Variants in FAM169A observed in about 807,000 individuals in gnomAD.
FAM169A encodes soluble lamin-associated protein of 75 kDa.
Under a neutral mutation model 75.7 loss-of-function variants are expected in FAM169A, and 24 were observed. That is an observed-to-expected ratio of 0.32 (90% CI 0.23 to 0.45). FAM169A has a LOEUF of 0.45. Among genes scored for constraint, FAM169A ranks in the 20% least tolerant of loss-of-function variants. FAM169A has a pLI of 1.00. For synonymous variants in FAM169A, 271 were observed against 271.0 expected (o/e 1.00, Z 0.00); for missense variants, 673 against 784.0 (o/e 0.86, Z 1.69).
intron 4 of FAM169A, among the ~76,000 whole-genome samples, chr5:74,836,059 T>A (rs745539269): frequency 6.6e-6 from 1 of 152,178 alleles, no homozygotes; most frequent in Non-Finnish European, 1.5e-5. Flanking sequence ...TTGCTCCAGA[T>A]CCATAACATC....
intron 1 of FAM169A, among the ~76,000 whole-genome samples, chr5:74,853,307 A>G (rs1749537719): frequency 6.6e-6 from 1 of 152,202 alleles, no homozygotes; most frequent in Admixed American, 6.5e-5. Context: ...CCATTTACTG[A>G]TTGCTTATCT....
chr5:74,800,263 T>TG (rs1746501711), intron 10 of FAM169A, among the ~76,000 whole-genome samples: 1 of 125,240 alleles, frequency 8.0e-6, no homozygotes, highest in African/African-American at 4.5e-5. Context: ...TGTTTTTGTT[T>TG]GTTTTTTTTT....
At chr5:74,862,395 G>C (rs976786657) in intron 1 of FAM169A, among the ~76,000 whole-genome samples, 2 of 152,154 alleles carry the variant, frequency 1.3e-5, no homozygotes, top group African/African-American at 4.8e-5. Context: ...TTTAGCATTT[G>C]CTGGGACTGT....
At chr5:74,786,923 G>T (rs565228081) in intron 11 of FAM169A, among the ~76,000 whole-genome samples, 2 of 152,300 alleles carry the variant, frequency 1.3e-5, no homozygotes, top group South Asian at 4.1e-4. Flanking sequence ...TGGGGACACA[G>T]AGCTTGTAAA....
intron 1 of FAM169A, among the ~76,000 whole-genome samples, chr5:74,852,030 T>A (rs1749469004): frequency 6.6e-6 from 1 of 152,190 alleles, no homozygotes; most frequent in Non-Finnish European, 1.5e-5. Context: ...TGAAGACTGA[T>A]GTTTTCATTT....
chr5:74,816,614 C>CA (rs553101282), intron 5 of FAM169A, among the ~76,000 whole-genome samples: 26 of 152,138 alleles, frequency 1.7e-4, no homozygotes, highest in Non-Finnish European at 3.4e-4. Flanking sequence ...CTGACTCATA[C>CA]AAATGCAATC....
chr5:74,798,220 T>C (rs373627902), intron 10 of FAM169A, among the ~76,000 whole-genome samples: 1 of 152,356 alleles, frequency 6.6e-6, no homozygotes, highest in East Asian at 1.9e-4. Context: ...TGTGTACATA[T>C]CTCTCTTTAC....
rs1212327620 is a variant in FAM169A at position 74,864,747 on chromosome 5, G to C, written c.-4+1418C>G. ...ACTTAGAGAAAAGTCCACTATAATA[G>C]CTACAAGATTTCTGTGAAAGACGAT... is the stretch of plus-strand genomic sequence containing the variant. On this transcript the variant is annotated intron_variant, in intron 1 of 12. Transcript: ENST00000687041. 2.0e-5 allele frequency among the ~76,000 whole-genome samples: 3 copies of C among 152,166 alleles called. No homozygotes were observed. The South Asian group carries it at 6.2e-4, about 31-fold the overall frequency.
At chr5:74,800,781 ATAT>A (rs1746531924) in intron 10 of FAM169A, 96 bp downstream of exon 10, 3 of 356,846 alleles carry the variant, frequency 8.4e-6, no homozygotes, top group South Asian at 2.5e-4. Context: ...ATAAAATAGT[ATAT>A]ATTATATATA....
intron 5 of FAM169A, among the ~76,000 whole-genome samples, chr5:74,827,138 T>C (rs1748073140): frequency 1.3e-5 from 2 of 152,224 alleles, no homozygotes; most frequent in Admixed American, 1.3e-4. Flanking sequence ...CTAGTGATGT[T>C]AACCATAATC....
rs751563296 is a variant in FAM169A at position 74,804,523 on chromosome 5, T to C, written c.882A>G (p.Glu294=). 1 of 1,605,508 alleles carries C rather than the reference T, an allele frequency of 6.2e-7. No individual in the cohort carries two copies. Residue 294 remains glutamate (E), a synonymous_variant, in exon 8 of 13, where the codon GAA becomes GAG. Transcript: ENST00000687041. ...GCTGCATCTCACTAGACTGATTGTC[T>C]TCAGTTCTTGCTTCGTATTCTGGAA... The part of the protein sequence containing the change: ...ASVPEYEART[E]DNQSSEMQLT...
chr5:74,839,082 A>AGTT, intron 3 of FAM169A, 32 bp from the exon 4 acceptor site: 1 of 1,496,132 alleles, frequency 6.7e-7, no homozygotes, highest in African/African-American at 1.4e-5. Flanking sequence ...TTAACACTTG[A>AGTT]GTTTTAAAGT....
chr5:74,835,381 C>T (rs143985531), intron 4 of FAM169A, among the ~76,000 whole-genome samples: 6 of 151,964 alleles, frequency 3.9e-5, no homozygotes, highest in African/African-American at 1.2e-4. Context: ...GTGGGTGGAT[C>T]GCTTGAGCTC....
rs1285930124 is a variant in FAM169A, at chr5:74,781,810, GTTC to G, written c.1660_1662del (p.Glu554del). The G allele has an allele frequency of 2.5e-6, 4 of 1,613,930 alleles. No individual in the cohort carries two copies. Among genetic ancestry groups the G allele is most frequent in the Non-Finnish European group, 3.4e-6 (4 of 1,180,000 alleles). On this transcript the variant is annotated inframe_deletion, in exon 13 of 13. Coordinates refer to ENST00000687041, the MANE Select transcript of FAM169A (RefSeq NM_001376049.1). ...TTAGGAGACAAATTCTCAGAGACCG[GTTC>G]TTCGGAAAATTCAGCTATCACAGAG... is the stretch of plus-strand genomic sequence containing the variant.
intron 1 of FAM169A, among the ~76,000 whole-genome samples, chr5:74,862,826 C>G (rs1181044819): frequency 2.0e-5 from 3 of 152,080 alleles, no homozygotes; most frequent in Non-Finnish European, 4.4e-5. Flanking sequence ...AATCTTTGTA[C>G]AGTTAGACCT....
chr5:74,827,706 A>T (rs112371659), intron 5 of FAM169A, among the ~76,000 whole-genome samples: 3,585 of 149,830 alleles, frequency 0.024, 143 homozygotes, highest in African/African-American at 0.084. Context: ...TCTGTCACCC[A>T]GGCTGGAGTG....
chr5:74,796,134 C>T lies in FAM169A; in HGVS notation c.1156G>A (p.Glu386Lys), dbSNP rs1204803741. Residue 386 changes from glutamate (E) to lysine (K), a missense_variant, in exon 11 of 13, where the codon GAA becomes AAA. Glu to Lys is a moderately conservative substitution (Grantham distance 56). Coordinates refer to ENST00000687041, the MANE Select transcript of FAM169A (RefSeq NM_001376049.1). ...SESSEEFLEE[E>K]PEQRGIEFED... ...AATTCAATCCCTCTCTGTTCAGGTTCTTCTTCCAGGAATTCTTCTGAGCTC... is the reference window on the plus strand; with the variant it reads ...AATTCAATCCCTCTCTGTTCAGGTTTTTCTTCCAGGAATTCTTCTGAGCTC... The T allele has an allele frequency of 6.2e-7, 1 of 1,614,046 alleles. No homozygotes were observed. Among genetic ancestry groups the T allele is most frequent in the East Asian group, 2.2e-5 (1 of 44,870 alleles).
chr5:74,838,925 G>A (rs1748708268), intron 4 of FAM169A, 40 bp downstream of exon 4: 2 of 1,344,276 alleles, frequency 1.5e-6, no homozygotes, highest in South Asian at 1.2e-5. Flanking sequence ...ACTGTGAAAT[G>A]GCCTCAAAAG....
chr5:74,803,774 A>C (rs1746710590), intron 8 of FAM169A, among the ~76,000 whole-genome samples: 1 of 152,168 alleles, frequency 6.6e-6, no homozygotes, highest in Non-Finnish European at 1.5e-5. Flanking sequence ...ATATTTGCAA[A>C]GTGCATTACA....
Sources: allele counts gnomAD v4.1 joint callset (sites outside exome capture counted in the v4.1 genomes callset), GRCh38; gene constraint gnomAD v4.1.1; transcripts MANE v1.5; gene names NCBI Gene and HGNC (gene_info 2026-07-23, HGNC 2026-07-21).